TNFAIP8: variants seen among roughly 807,000 people sequenced by gnomAD.
TNFAIP8 encodes tumor necrosis factor alpha-induced protein 8.
TNFAIP8 carries 7 observed loss-of-function variants against 13.3 expected under a neutral mutation model. The ratio of observed to expected loss-of-function variants is 0.52; its 90% CI spans 0.30 to 0.99. The LOEUF (loss-of-function observed/expected upper bound fraction) is 0.99. Ranked by LOEUF, TNFAIP8 falls within the 50% of genes least tolerant of loss-of-function variation. The probability of loss-of-function intolerance (pLI) is 0.07; values close to 1 mark genes in which losing one functional copy is unlikely to be tolerated. For missense variants in TNFAIP8, 258 were observed against 236.9 expected (o/e 1.09, Z -0.58); for synonymous variants, 94 against 87.6 (o/e 1.07, Z -0.41).
intron 1 of TNFAIP8, among the ~76,000 whole-genome samples, chr5:119,379,259 C>T (rs1326993453): frequency 3.3e-5 from 5 of 151,952 alleles, no homozygotes; most frequent in Non-Finnish European, 7.4e-5. Flanking sequence ...TTTAGTGCAC[C>T]CCATGCTAGC....
chr5:119,350,149 G>A (rs1007779334), intron 1 of TNFAIP8, among the ~76,000 whole-genome samples: 15 of 152,084 alleles, frequency 9.9e-5, no homozygotes, highest in African/African-American at 3.4e-4. Flanking sequence ...ATATCTGTGC[G>A]TTCCATATTC....
At chr5:119,332,625 C>A (rs1380543842) in intron 1 of TNFAIP8, among the ~76,000 whole-genome samples, 1 of 152,090 alleles carries the variant, frequency 6.6e-6, no homozygotes, top group Non-Finnish European at 1.5e-5. Flanking sequence ...GAAAGGTCAA[C>A]CAAGGTGCAG....
intron 1 of TNFAIP8, among the ~76,000 whole-genome samples, chr5:119,302,796 G>A (rs1285806044): frequency 6.6e-6 from 1 of 152,198 alleles, no homozygotes; most frequent in African/African-American, 2.4e-5. Flanking sequence ...CTTATCATAT[G>A]CTGAGATGAA....
At chr5:119,382,217 C>T (rs1215503411) in intron 1 of TNFAIP8, among the ~76,000 whole-genome samples, 2 of 152,178 alleles carry the variant, frequency 1.3e-5, no homozygotes, top group Non-Finnish European at 2.9e-5. Context: ...ACCTAACCTC[C>T]CTCTATCACC....
At chr5:119,333,749 G>T (rs1750458015) in intron 1 of TNFAIP8, 6 of 878,620 alleles carry the variant, frequency 6.8e-6, no homozygotes, top group South Asian at 1.6e-5. Flanking sequence ...TTTGGTCGTG[G>T]CTTTAGAGCT....
chr5:119,389,202 A>C (rs546153698), intron 1 of TNFAIP8, among the ~76,000 whole-genome samples: 47 of 152,206 alleles, frequency 3.1e-4, no homozygotes, highest in Non-Finnish European at 5.7e-4. Flanking sequence ...AAAGAGTGAA[A>C]GAGGAGCACT....
At chr5:119,285,012 C>CT (rs1052796143) in intron 1 of TNFAIP8, among the ~76,000 whole-genome samples, 28 of 151,602 alleles carry the variant, frequency 1.8e-4, no homozygotes, top group East Asian at 7.7e-4. Flanking sequence ...TTGTCAGAAT[C>CT]TTTTTTTTTC....
intron 1 of TNFAIP8, among the ~76,000 whole-genome samples, chr5:119,286,150 CTG>C (rs892470043): frequency 5.9e-5 from 9 of 152,282 alleles, no homozygotes; most frequent in African/African-American, 2.2e-4. Flanking sequence ...TTAGAAAAAT[CTG>C]TGTAAAAAGT....
At chr5:119,285,532 A>G (rs752978700) in intron 1 of TNFAIP8, among the ~76,000 whole-genome samples, 1 of 152,176 alleles carries the variant, frequency 6.6e-6, no homozygotes, top group Non-Finnish European at 1.5e-5. Flanking sequence ...TGTTGCCTTG[A>G]GATAATCTTG....
intron 1 of TNFAIP8, among the ~76,000 whole-genome samples, chr5:119,365,787 A>G (rs929402392): frequency 1.3e-5 from 2 of 152,230 alleles, no homozygotes; most frequent in Non-Finnish European, 2.9e-5. Context: ...TGCCTCCTCA[A>G]TATCACAAGT....
intron 1 of TNFAIP8, among the ~76,000 whole-genome samples, chr5:119,374,594 G>T (rs1021019851): frequency 3.7e-4 from 56 of 152,204 alleles, no homozygotes; most frequent in Non-Finnish European, 1.5e-5. Context: ...GGTTGCCAGC[G>T]CAGGGAACAG....
intron 1 of TNFAIP8, among the ~76,000 whole-genome samples, chr5:119,331,806 C>T (rs897367997): frequency 6.6e-6 from 1 of 152,202 alleles, no homozygotes; most frequent in Non-Finnish European, 1.5e-5. Context: ...CATGCAGCCA[C>T]CACTGAGGTC....
At chr5:119,297,510 A>G in intron 1 of TNFAIP8, among the ~76,000 whole-genome samples, 1 of 152,056 alleles carries the variant, frequency 6.6e-6, no homozygotes, top group Non-Finnish European at 1.5e-5. Context: ...TTTGCTGAGG[A>G]GAGCTTTACT....
At chr5:119,361,973 AT>A (rs1334476479) in intron 1 of TNFAIP8, among the ~76,000 whole-genome samples, 1 of 152,200 alleles carries the variant, frequency 6.6e-6, no homozygotes, top group Non-Finnish European at 1.5e-5. Context: ...AGAAGCAAAA[AT>A]GTGTGTGTAG....
chr5:119,339,708 G>A (rs770674699), intron 1 of TNFAIP8, among the ~76,000 whole-genome samples: 1 of 152,052 alleles, frequency 6.6e-6, no homozygotes, highest in Non-Finnish European at 1.5e-5. Flanking sequence ...AGAATAAGAA[G>A]TAGAGCAAAT....
upstream of TNFAIP8, chr5:119,355,098 C>A: frequency 3.7e-6 from 2 of 540,626 alleles, no homozygotes; most frequent in Non-Finnish European, 6.6e-6. Flanking sequence ...TCCTCTCAGC[C>A]AATTTGTAGG....
intron 1 of TNFAIP8, among the ~76,000 whole-genome samples, chr5:119,320,610 C>G (rs897272576): frequency 6.6e-6 from 1 of 152,138 alleles, no homozygotes; most frequent in Non-Finnish European, 1.5e-5. Flanking sequence ...ATGGCCTGTT[C>G]TAGTCCTCAT....
intron 1 of TNFAIP8, among the ~76,000 whole-genome samples, chr5:119,333,829 C>G (rs796461915): frequency 1.1e-4 from 16 of 152,142 alleles, no homozygotes; most frequent in African/African-American, 3.9e-4. Flanking sequence ...CAGTGTTAAG[C>G]AGGGAGAGGT....
At chr5:119,343,056 C>T (rs1013528260) in intron 1 of TNFAIP8, among the ~76,000 whole-genome samples, 3 of 152,210 alleles carry the variant, frequency 2.0e-5, no homozygotes, top group Admixed American at 6.5e-5. Context: ...TGGTGTCTTG[C>T]TTGCCCTGGA....
Sources: gnomAD v4.1 joint callset for allele counts (sites outside exome capture counted in the v4.1 genomes callset) on GRCh38, gnomAD v4.1.1 for gene constraint, MANE v1.5 for transcripts, NCBI Gene and HGNC (gene_info 2026-07-23, HGNC 2026-07-21) for gene names.